Variants in ATP9B observed in about 807,000 individuals in gnomAD.
ATP9B encodes the protein ATPase phospholipid transporting 9B, also known as probable phospholipid-transporting ATPase IIB.
Under a neutral mutation model 146.1 loss-of-function variants are expected in ATP9B, and 110 were observed. The ratio of observed to expected loss-of-function variants is 0.75; its 90% CI spans 0.65 to 0.88. ATP9B has a LOEUF of 0.88. Ranked by LOEUF, ATP9B falls within the 40% of genes least tolerant of loss-of-function variation. ATP9B has a pLI of 0.00. For missense variants in ATP9B, 1,499 were observed against 1,496.4 expected, an observed-to-expected ratio of 1.00 and a Z score of -0.03; for synonymous variants, 604 against 569.7, an observed-to-expected ratio of 1.06 and a Z score of -0.86.
intron 5 of ATP9B, among the ~76,000 whole-genome samples, chr18:79,134,560 G>T (rs2094424868): frequency 6.6e-6 from 1 of 152,222 alleles, no homozygotes. Flanking sequence ...GCTGAGCCTG[G>T]TCTAAGGCCA....
intron 5 of ATP9B, among the ~76,000 whole-genome samples, chr18:79,136,520 C>T (rs1388715319): frequency 6.6e-6 from 1 of 152,112 alleles, no homozygotes. Context: ...AAGTGTTTAG[C>T]CTTTATTTCT....
At chr18:79,099,647 A>G (rs1382509391) in intron 2 of ATP9B, among the ~76,000 whole-genome samples, 1 of 152,044 alleles carries the variant, frequency 6.6e-6, no homozygotes, top group East Asian at 1.9e-4. Context: ...ATCATTTTAA[A>G]TAGAGACCAG....
At chr18:79,258,462 A>G (rs944191781) in intron 12 of ATP9B, among the ~76,000 whole-genome samples, 5 of 152,172 alleles carry the variant, frequency 3.3e-5, no homozygotes, top group Non-Finnish European at 7.4e-5. Flanking sequence ...AGAGAAGAAG[A>G]TAAGTATTAT....
intron 6 of ATP9B, among the ~76,000 whole-genome samples, chr18:79,150,882 G>C (rs952640389): frequency 6.6e-6 from 1 of 152,134 alleles, no homozygotes; most frequent in Non-Finnish European, 1.5e-5. Flanking sequence ...GGCTTAGGGA[G>C]GAGGATTGCT....
chr18:79,139,926 A>G (rs146120918), intron 5 of ATP9B, among the ~76,000 whole-genome samples: 100 of 152,370 alleles, frequency 6.6e-4, no homozygotes, highest in African/African-American at 1.5e-3. Context: ...AGAAGAAACT[A>G]CATGTCATAA....
At chr18:79,293,138 A>T (rs1347914703) in intron 13 of ATP9B, among the ~76,000 whole-genome samples, 1 of 151,078 alleles carries the variant, frequency 6.6e-6, no homozygotes, top group Non-Finnish European at 1.5e-5. Flanking sequence ...GGGCAACTAG[A>T]TATCCCATGC....
At chr18:79,328,130 ATAGCGTGCTCTCTGTGGT>A in intron 15 of ATP9B, among the ~76,000 whole-genome samples, 2 of 44,476 alleles carry the variant, frequency 4.5e-5, no homozygotes, top group Non-Finnish European at 8.8e-5. Context: ...CTCTCCGTGG[ATAGCGTGCTCTCTGTGGT>A]TAGCGTGCTC....
At chr18:79,200,789 G>GGGAACGTTGGGGTCAGAGCA (rs1244770040) in intron 9 of ATP9B, among the ~76,000 whole-genome samples, 1 of 79,122 alleles carries the variant, frequency 1.3e-5, no homozygotes, top group Non-Finnish European at 2.9e-5. Flanking sequence ...AAGTAGTGGT[G>GGGAACGTTGGGGTCAGAGCA]GAATTGTTTT....
At chr18:79,162,819 T>A (rs1445325213) in intron 7 of ATP9B, among the ~76,000 whole-genome samples, 1 of 152,236 alleles carries the variant, frequency 6.6e-6, no homozygotes, top group Non-Finnish European at 1.5e-5. Context: ...ATTTGTGAGC[T>A]GTTGTAGGAA....
chr18:79,355,722 A>G (rs1251942333), intron 25 of ATP9B, among the ~76,000 whole-genome samples: 2 of 152,234 alleles, frequency 1.3e-5, no homozygotes, highest in Non-Finnish European at 2.9e-5. Flanking sequence ...TTGAAGGAAT[A>G]AAGGTGAAAA....
intron 6 of ATP9B, among the ~76,000 whole-genome samples, chr18:79,149,979 G>A (rs561192083): frequency 6.6e-6 from 1 of 152,266 alleles, no homozygotes; most frequent in East Asian, 1.9e-4. Context: ...TACTTGGGAG[G>A]CTGAGGCAGG....
chr18:79,363,388 G>GTAAACAGATGTTCATGGATTGAGACACA (rs1357299620), intron 26 of ATP9B: 64 of 151,412 alleles, frequency 4.2e-4, no homozygotes, highest in East Asian at 2.5e-3. Flanking sequence ...ATTGAGAGAC[G>GTAAACAGATGTTCATGGATTGAGACACA]TAAACAGATG....
At chr18:79,375,488 A>T in intron 29 of ATP9B, 62 bp downstream of exon 29, 3 of 1,570,904 alleles carry the variant, frequency 1.9e-6, no homozygotes, top group Non-Finnish European at 2.6e-6. Context: ...ATTGATAAAG[A>T]TACTTAACTA....
chr18:79,156,289 C>G (rs1224968984), intron 7 of ATP9B, among the ~76,000 whole-genome samples: 1 of 152,184 alleles, frequency 6.6e-6, no homozygotes, highest in Non-Finnish European at 1.5e-5. Flanking sequence ...AGCTGGACTC[C>G]CTTTCCTGCC....
chr18:79,087,545 G>A (rs756050493), intron 1 of ATP9B: 3 of 152,180 alleles, frequency 2.0e-5, no homozygotes, highest in Non-Finnish European at 4.4e-5. Context: ...GGCAAAGTGG[G>A]AGTGTTTATT....
chr18:79,208,307 A>G (rs2095554057), intron 10 of ATP9B, among the ~76,000 whole-genome samples: 1 of 152,212 alleles, frequency 6.6e-6, no homozygotes, highest in South Asian at 2.1e-4. Context: ...AAGAAGAAAC[A>G]TTTAACTTGG....
At chr18:79,183,646 T>A (rs1440275417) in intron 8 of ATP9B, among the ~76,000 whole-genome samples, 1 of 152,122 alleles carries the variant, frequency 6.6e-6, no homozygotes, top group South Asian at 2.1e-4. Flanking sequence ...TTTTTTTCAA[T>A]GATTTCTGCT....
intron 1 of ATP9B, chr18:79,086,530 C>G (rs930318629): frequency 3.4e-5 from 5 of 146,394 alleles, no homozygotes; most frequent in African/African-American, 1.3e-4. Flanking sequence ...TTTTTTACAC[C>G]TAATAGTATT....
chr18:79,157,198 TAA>T (rs926192408), intron 7 of ATP9B, among the ~76,000 whole-genome samples: 7 of 127,272 alleles, frequency 5.5e-5, no homozygotes, highest in African/African-American at 6.7e-5. Flanking sequence ...CCGTCTCTAC[TAA>T]AAAAAATACA....
Sources: gnomAD v4.1 joint callset for allele counts (sites outside exome capture counted in the v4.1 genomes callset) on GRCh38, gnomAD v4.1.1 for gene constraint, MANE v1.5 for transcripts, NCBI Gene and HGNC (gene_info 2026-07-23, HGNC 2026-07-21) for gene names.